ARHGAP42: variants seen among roughly 807,000 people sequenced by gnomAD.
ARHGAP42 encodes rho GTPase-activating protein 42.
Under a neutral mutation model 125.0 loss-of-function variants are expected in ARHGAP42, and 63 were observed. That is an observed-to-expected ratio of 0.50 (90% CI 0.41 to 0.62). ARHGAP42 has a LOEUF of 0.62. Ranked by LOEUF, ARHGAP42 falls within the 20% of genes least tolerant of loss-of-function variation. ARHGAP42 has a pLI of 0.00. For synonymous variants in ARHGAP42, 339 were observed against 351.0 expected, an observed-to-expected ratio of 0.97 and a Z score of 0.38; for missense variants, 766 against 1,024.2, an observed-to-expected ratio of 0.75 and a Z score of 3.44.
At chr11:100,791,939 AAGT>A (rs1863576815) in intron 2 of ARHGAP42, among the ~76,000 whole-genome samples, 1 of 152,228 alleles carries the variant, frequency 6.6e-6, no homozygotes, top group Non-Finnish European at 1.5e-5. Context: ...TTAAACAAAA[AAGT>A]AGAATAGCAA....
intron 1 of ARHGAP42, among the ~76,000 whole-genome samples, chr11:100,743,736 T>A (rs1252722064): frequency 6.6e-6 from 1 of 152,182 alleles, no homozygotes; most frequent in East Asian, 1.9e-4. Context: ...CATAATCTCA[T>A]ATTTCTTGAA....
At chr11:100,699,814 C>T (rs765490701) in intron 1 of ARHGAP42, among the ~76,000 whole-genome samples, 10 of 152,006 alleles carry the variant, frequency 6.6e-5, no homozygotes, top group East Asian at 1.9e-4. Context: ...TGAGCCACCA[C>T]GCTTGGTGAT....
At chr11:100,801,550 A>C (rs985303289) in intron 3 of ARHGAP42, among the ~76,000 whole-genome samples, 1 of 152,200 alleles carries the variant, frequency 6.6e-6, no homozygotes, top group Admixed American at 6.5e-5. Flanking sequence ...GGGTTTTAGA[A>C]ATGGAACTTC....
At chr11:100,926,371 T>C (rs1867422306) in intron 6 of ARHGAP42, among the ~76,000 whole-genome samples, 1 of 152,238 alleles carries the variant, frequency 6.6e-6, no homozygotes, top group African/African-American at 2.4e-5. Flanking sequence ...TCTGAAGTCA[T>C]GGCATAGTAC....
rs61246568 is a variant in ARHGAP42 at position 100,984,115 on chromosome 11, T to TA, written c.2457-3385dup. On this transcript the variant is annotated intron_variant, in intron 22 of 23. Transcript: ENST00000298815. ...CTGAGCAACCCAGTGAGACCCTGTC[T>TA]AAAAAAAAAAAAAGCAAAAGAAAGA... Among the ~76,000 whole-genome samples, 1,203 of 123,736 alleles carry TA rather than the reference T, an allele frequency of 9.7e-3. 14 individuals carry two copies. Among genetic ancestry groups the TA allele is most frequent in the African/African-American group, 0.032 (1,063 of 33,228 alleles). 81.2% of individuals were successfully genotyped at this position (123,736 alleles called of 152,430 possible).
chr11:100,843,628 C>A (rs1287654534), intron 3 of ARHGAP42, among the ~76,000 whole-genome samples: 1 of 152,046 alleles, frequency 6.6e-6, no homozygotes, highest in Non-Finnish European at 1.5e-5. Context: ...GATTAATGTA[C>A]ACAAATCAGT....
intron 4 of ARHGAP42, 82 bp from the exon 5 acceptor site, chr11:100,913,370 G>T: frequency 2.2e-6 from 1 of 448,440 alleles, no homozygotes; most frequent in South Asian, 2.4e-5. Context: ...TAATTACATG[G>T]GACTTTGATG....
At chr11:100,983,586 T>C (rs571737899) in intron 22 of ARHGAP42, among the ~76,000 whole-genome samples, 1 of 152,280 alleles carries the variant, frequency 6.6e-6, no homozygotes, top group South Asian at 2.1e-4. Context: ...CAACACACAA[T>C]AGATGCTCAA....
intron 21 of ARHGAP42, 88 bp downstream of exon 21, chr11:100,977,059 G>C (rs1157496993): frequency 3.5e-6 from 5 of 1,428,372 alleles, no homozygotes; most frequent in Non-Finnish European, 4.7e-6. Flanking sequence ...AATCCCACAA[G>C]TTGAATACAT....
intron 3 of ARHGAP42, among the ~76,000 whole-genome samples, chr11:100,811,528 G>A (rs1864142626): frequency 1.3e-5 from 2 of 149,682 alleles, no homozygotes; most frequent in South Asian, 2.1e-4. Flanking sequence ...CTTTGGAGAT[G>A]GAGTCTTGCT....
intron 3 of ARHGAP42, among the ~76,000 whole-genome samples, chr11:100,822,412 C>A (rs1011125208): frequency 6.6e-6 from 1 of 152,040 alleles, no homozygotes; most frequent in Non-Finnish European, 1.5e-5. Flanking sequence ...ATATCAAGTT[C>A]TGGTCTCTTT....
intron 1 of ARHGAP42, among the ~76,000 whole-genome samples, chr11:100,694,876 A>G (rs1190556284): frequency 2.6e-5 from 4 of 152,202 alleles, no homozygotes; most frequent in African/African-American, 4.8e-5. Context: ...TAAAAATACA[A>G]AAAAGTTAGC....
intron 4 of ARHGAP42, among the ~76,000 whole-genome samples, chr11:100,896,158 C>T (rs1332486549): frequency 1.3e-5 from 2 of 152,182 alleles, no homozygotes; most frequent in Non-Finnish European, 2.9e-5. Context: ...CATGTTCCTG[C>T]AAAGGACATG....
At chr11:100,809,256 A>G (rs576152984) in intron 3 of ARHGAP42, among the ~76,000 whole-genome samples, 1 of 152,248 alleles carries the variant, frequency 6.6e-6, no homozygotes, top group Admixed American at 6.5e-5. Flanking sequence ...AGAAGAAAGA[A>G]AAAGAAAAAA....
In ARHGAP42 at chr11:100,858,195, C is replaced by T. The variant is rs141336919; in HGVS notation, c.313-1359C>T. 6.1e-3 allele frequency among the ~76,000 whole-genome samples: 924 copies of T among 151,290 alleles called. 8 individuals are homozygous for T. The highest frequency in any genetic ancestry group is 0.021 in the African/African-American group (879 of 41,266). ...GAATTAAAAGTGAGCTATTTTACTACTATTTCCAATAATCTCTGCGCAGTA... is the reference window on the plus strand; with the variant it reads ...GAATTAAAAGTGAGCTATTTTACTATTATTTCCAATAATCTCTGCGCAGTA... On this transcript the variant is annotated intron_variant, in intron 3 of 23. Transcript: ENST00000298815.
chr11:100,829,713 C>T (rs768754836), intron 3 of ARHGAP42, among the ~76,000 whole-genome samples: 4 of 152,084 alleles, frequency 2.6e-5, no homozygotes, highest in Non-Finnish European at 5.9e-5. Flanking sequence ...TATCTGTTTA[C>T]GGTTGTATGT....
In ARHGAP42 at chr11:100,766,991, C is replaced by T. The variant is rs187729404; in HGVS notation, c.155-3352C>T. 2.0e-5 allele frequency among the ~76,000 whole-genome samples: 3 copies of T among 152,302 alleles called. No homozygotes were observed. In the East Asian group the frequency reaches 5.8e-4, roughly 29 times the overall value. Reference sequence around the variant, plus strand: ...CAAGAGTTGAAATAGACACCCATCTCTTACCCAGAAATGCTGAACAATAAT... The same window carrying T: ...CAAGAGTTGAAATAGACACCCATCTTTTACCCAGAAATGCTGAACAATAAT... On this transcript the variant is annotated intron_variant, in intron 1 of 23. Coordinates refer to ENST00000298815, the MANE Select transcript of ARHGAP42 (RefSeq NM_152432.4).
At chr11:100,802,765 AG>A (rs1266946559) in intron 3 of ARHGAP42, among the ~76,000 whole-genome samples, 1 of 152,054 alleles carries the variant, frequency 6.6e-6, no homozygotes, top group African/African-American at 2.4e-5. Flanking sequence ...CCTGTTCTCC[AG>A]CCCTATGGGT....
At chr11:100,694,576 C>T (rs1369089888) in intron 1 of ARHGAP42, among the ~76,000 whole-genome samples, 2 of 152,254 alleles carry the variant, frequency 1.3e-5, no homozygotes, top group African/African-American at 4.8e-5. Context: ...GCTCCACCTG[C>T]CACCCACCAA....
Sources: allele counts gnomAD v4.1 joint callset (sites outside exome capture counted in the v4.1 genomes callset), GRCh38; gene constraint gnomAD v4.1.1; transcripts MANE v1.5; gene names NCBI Gene and HGNC (gene_info 2026-07-23, HGNC 2026-07-21).